The following LRRFIP2 variants were observed in gnomAD, a reference collection of about 807,000 sequenced individuals.
The protein encoded by LRRFIP2 is leucine-rich repeat flightless-interacting protein 2.
LRRFIP2 carries 109 observed loss-of-function variants against 125.9 expected under a neutral mutation model. That is an observed-to-expected ratio of 0.87 (90% CI 0.74 to 1.01). The LOEUF (loss-of-function observed/expected upper bound fraction) is 1.01, where lower values mean the gene tolerates loss of function less well. LRRFIP2 is among the 50% of genes least tolerant of loss of function. The pLI is 0.00. For missense variants in LRRFIP2, 850 were observed against 862.3 expected (o/e 0.99, Z 0.18); for synonymous variants, 291 against 293.1 (o/e 0.99, Z 0.07).
chr3:37,104,980 G>A (rs1357725493), intron 14 of LRRFIP2, among the ~76,000 whole-genome samples: 1 of 152,106 alleles, frequency 6.6e-6, no homozygotes, highest in East Asian at 1.9e-4. Context: ...AAGTAGCTGG[G>A]ATTATAGGCA....
chr3:37,097,906 G>A (rs1360771822), intron 15 of LRRFIP2, among the ~76,000 whole-genome samples: 1 of 152,104 alleles, frequency 6.6e-6, no homozygotes, highest in East Asian at 1.9e-4. Flanking sequence ...GGCACATAGG[G>A]ATGTAACTAA....
intron 1 of LRRFIP2, among the ~76,000 whole-genome samples, chr3:37,168,324 C>A (rs574553581): frequency 6.6e-6 from 1 of 152,150 alleles, no homozygotes; most frequent in South Asian, 2.1e-4. Flanking sequence ...TATAAACATA[C>A]GAAGGAATAT....
chr3:37,146,064 TA>T (rs1002250775), intron 2 of LRRFIP2, among the ~76,000 whole-genome samples: 1 of 149,254 alleles, frequency 6.7e-6, no homozygotes. Context: ...AGCATCACAT[TA>T]AAAAAAAAAG....
At chr3:37,087,110 T>C (rs1170661425) in intron 18 of LRRFIP2, among the ~76,000 whole-genome samples, 2 of 152,106 alleles carry the variant, frequency 1.3e-5, no homozygotes, top group African/African-American at 4.8e-5. Flanking sequence ...CACCTTGGCC[T>C]CCAAAACTGG....
chr3:37,096,299 C>T (rs1176873372), intron 16 of LRRFIP2, among the ~76,000 whole-genome samples: 1 of 152,098 alleles, frequency 6.6e-6, no homozygotes, highest in East Asian at 1.9e-4. Context: ...AGTTTGTCAC[C>T]ACCATTCCTA....
chr3:37,112,141 C>T (rs752481033), intron 8 of LRRFIP2, among the ~76,000 whole-genome samples: 3 of 151,908 alleles, frequency 2.0e-5, no homozygotes, highest in African/African-American at 7.3e-5. Flanking sequence ...GAGGCAGAGG[C>T]GGGCAGATCA....
At chr3:37,108,846 T>C (rs998536373) in intron 11 of LRRFIP2, among the ~76,000 whole-genome samples, 162 bp from the exon 12 acceptor site, 1 of 152,216 alleles carries the variant, frequency 6.6e-6, no homozygotes, top group African/African-American at 2.4e-5. Flanking sequence ...CTCATTTATA[T>C]GCAAAAATTG....
intron 4 of LRRFIP2, among the ~76,000 whole-genome samples, chr3:37,122,790 T>C (rs1269976614): frequency 3.3e-5 from 5 of 152,224 alleles, no homozygotes; most frequent in Admixed American, 3.3e-4. Flanking sequence ...GTTGACTAAA[T>C]TAAATGTAAT....
Position 37,157,430 on chromosome 3 carries a change from G to T in LRRFIP2, c.-55-8392C>A, listed in dbSNP as rs571294007. ...TGCACTCCAGCCTGGATGACAGAGT[G>T]AGACCTTGTCTCAAAAAAGTAAGAT... On this transcript the variant is annotated intron_variant, in intron 1 of 27. Transcript: ENST00000336686. Among the ~76,000 whole-genome samples, 4 of 152,194 alleles carry T rather than the reference G, an allele frequency of 2.6e-5. No homozygotes were observed. The East Asian group carries it at 7.7e-4, about 29-fold the overall frequency.
intron 6 of LRRFIP2, among the ~76,000 whole-genome samples, chr3:37,120,367 C>T (rs915011965): frequency 4.6e-5 from 7 of 151,264 alleles, no homozygotes; most frequent in Admixed American, 2.0e-4. Flanking sequence ...GGCCTCCCAA[C>T]GTGCTGGGAT....
At chr3:37,139,618 T>C (rs2095641034) in intron 2 of LRRFIP2, among the ~76,000 whole-genome samples, 3 of 151,740 alleles carry the variant, frequency 2.0e-5, no homozygotes, top group African/African-American at 7.3e-5. Context: ...TCTTCTGTTG[T>C]TGAAAGTCAA....
chr3:37,154,013 C>CAAAAA lies in LRRFIP2; in HGVS notation c.-55-4980_-55-4976dup, dbSNP rs767900386. Among the ~76,000 whole-genome samples, 33 of 142,782 alleles carry CAAAAA rather than the reference C, an allele frequency of 2.3e-4. 2 individuals carry two copies. Among genetic ancestry groups the CAAAAA allele is most frequent in the Non-Finnish European group, 3.3e-4 (22 of 65,794 alleles). 93.7% of individuals were successfully genotyped at this position (142,782 alleles called of 152,430 possible). On this transcript the variant is annotated intron_variant, in intron 1 of 27. Coordinates refer to ENST00000336686, the MANE Select transcript of LRRFIP2 (RefSeq NM_006309.4). ...GCAACATGGTGAAATTCTGTCTTTA[C>CAAAAA]AAAAAAAAAAAATTATCCAGACATG...
At chr3:37,073,134 C>T (rs1010333854) in intron 20 of LRRFIP2, among the ~76,000 whole-genome samples, 3 of 152,334 alleles carry the variant, frequency 2.0e-5, no homozygotes, top group Middle Eastern at 3.4e-3. Context: ...ACCACAGCTA[C>T]GTGGCAGCAA....
chr3:37,089,726 G>A (rs2093317094), intron 18 of LRRFIP2, among the ~76,000 whole-genome samples: 1 of 152,128 alleles, frequency 6.6e-6, no homozygotes, highest in Admixed American at 6.6e-5. Flanking sequence ...ATGCCAGTAA[G>A]AATGCCCCTG....
intron 17 of LRRFIP2, chr3:37,093,373 C>T (rs921050172): frequency 1.3e-5 from 2 of 152,446 alleles, no homozygotes; most frequent in African/African-American, 4.8e-5. Context: ...TCAGTTACCC[C>T]TCTCTCCTTC....
intron 2 of LRRFIP2, among the ~76,000 whole-genome samples, chr3:37,145,638 G>T (rs1187774179): frequency 6.6e-6 from 1 of 152,142 alleles, no homozygotes; most frequent in Non-Finnish European, 1.5e-5. Flanking sequence ...TGTAAACATG[G>T]CTAGTAATAA....
At chr3:37,056,064 C>T (rs1037648119) in intron 25 of LRRFIP2, among the ~76,000 whole-genome samples, 1 of 152,130 alleles carries the variant, frequency 6.6e-6, no homozygotes, top group Non-Finnish European at 1.5e-5. Context: ...GAAGAGGGGC[C>T]CTGTCTTGGC....
chr3:37,057,810 A>C (rs527807311), intron 25 of LRRFIP2, among the ~76,000 whole-genome samples: 1 of 152,226 alleles, frequency 6.6e-6, no homozygotes, highest in Non-Finnish European at 1.5e-5. Context: ...AATTACACAT[A>C]ATCACTAACA....
chr3:37,096,734 C>T lies in LRRFIP2; in HGVS notation c.874-74G>A, dbSNP rs923877715. 38 of 756,584 alleles carry T rather than the reference C, an allele frequency of 5.0e-5. No individual in the cohort carries two copies. In the African/African-American group the frequency reaches 6.6e-4, roughly 13 times the overall value. 46.9% of individuals were successfully genotyped at this position (756,584 alleles called of 1,614,324 possible). ...CTTTTTTTGGGAGGAAAAAAGTGAT[C>T]TTGAGTTTTCCAAGTTCAATGATGT... On this transcript the variant is annotated intron_variant, in intron 15 of 27. Transcript: ENST00000336686.
Sources: gnomAD v4.1 joint callset for allele counts (sites outside exome capture counted in the v4.1 genomes callset) on GRCh38, gnomAD v4.1.1 for gene constraint, MANE v1.5 for transcripts, NCBI Gene and HGNC (gene_info 2026-07-23, HGNC 2026-07-21) for gene names.